Variants in SH3D19 observed in about 807,000 individuals in gnomAD.
The protein encoded by SH3D19 is SH3 domain-containing protein 19.
A neutral mutation model predicts 112.1 loss-of-function variants in SH3D19; 58 were observed. That is an observed-to-expected ratio of 0.52 (90% CI 0.42 to 0.64). The LOEUF is 0.64. SH3D19 is among the 30% of genes least tolerant of loss of function. The pLI, the probability that SH3D19 is intolerant of heterozygous loss-of-function variation, is 0.00. For synonymous variants in SH3D19, 391 were observed against 448.5 expected, an observed-to-expected ratio of 0.87 and a Z score of 1.62; for missense variants, 1,090 against 1,263.4, an observed-to-expected ratio of 0.86 and a Z score of 2.08.
Position 151,132,330 on chromosome 4 carries a change from C to A in SH3D19, c.2742+1G>T, listed in dbSNP as rs767181676. The A allele has an allele frequency of 6.2e-7, 1 of 1,613,904 alleles. No individual in the cohort carries two copies. Among genetic ancestry groups the A allele is most frequent in the South Asian group, 1.1e-5 (1 of 91,058 alleles). ...TATAGTCATCTGTTCAAGCAGCCTA[C>A]CTGAGAGTTTGAGCCAGAATCTTCT... is the stretch of plus-strand genomic sequence containing the variant. On this transcript the variant is annotated splice_donor_variant, in intron 17 of 19. Coordinates refer to ENST00000604030, the MANE Select transcript of SH3D19 (RefSeq NM_001378122.1). LOFTEE classifies it high-confidence loss of function.
chr4:151,323,722 G>C (rs751693199), intron 1 of SH3D19, among the ~76,000 whole-genome samples: 3 of 152,204 alleles, frequency 2.0e-5, no homozygotes, highest in Non-Finnish European at 4.4e-5. Context: ...TCAACCTTGA[G>C]AAATTAGGGA....
At chr4:151,236,205 G>A (rs1000601937) in intron 1 of SH3D19, among the ~76,000 whole-genome samples, 4 of 152,268 alleles carry the variant, frequency 2.6e-5, no homozygotes, top group Non-Finnish European at 4.4e-5. Context: ...GGGGCTGGCC[G>A]AGGCCAGAGC....
intron 1 of SH3D19, among the ~76,000 whole-genome samples, chr4:151,278,308 AC>A (rs1353802459): frequency 6.6e-6 from 1 of 151,888 alleles, no homozygotes; most frequent in Admixed American, 6.6e-5. Flanking sequence ...TCACTCTGTC[AC>A]CCAGGTTAGA....
intron 1 of SH3D19, among the ~76,000 whole-genome samples, chr4:151,273,986 C>T (rs542807055): frequency 3.3e-5 from 5 of 152,166 alleles, no homozygotes; most frequent in African/African-American, 7.2e-5. Flanking sequence ...ATGAAAAATA[C>T]TAAGAGTCAT....
intron 1 of SH3D19, among the ~76,000 whole-genome samples, chr4:151,300,949 AGTT>A (rs1384966547): frequency 6.6e-6 from 1 of 152,230 alleles, no homozygotes; most frequent in Non-Finnish European, 1.5e-5. Context: ...TGAGGGAAGA[AGTT>A]AAGTACTTCA....
rs1489415411 is a variant in SH3D19 at position 151,198,409 on chromosome 4, A to G, written c.153-10946T>C. On this transcript the variant is annotated intron_variant, in intron 2 of 19. Coordinates refer to ENST00000604030, the MANE Select transcript of SH3D19 (RefSeq NM_001378122.1). ...ATATATAATATATATCATATATTAT[A>G]TATTATATAAAATATATATTATATA... 9.7e-5 allele frequency among the ~76,000 whole-genome samples: 14 copies of G among 144,132 alleles called. No individual in the cohort carries two copies. In the East Asian group the frequency reaches 2.0e-3, roughly 20 times the overall value. 94.6% of individuals were successfully genotyped at this position (144,132 alleles called of 152,430 possible). A position where few individuals can be genotyped will look rare whatever the true frequency, so the allele number is the denominator to read the frequency against.
intron 2 of SH3D19, among the ~76,000 whole-genome samples, chr4:151,201,251 A>T (rs1056812342): frequency 6.6e-6 from 1 of 152,230 alleles, no homozygotes; most frequent in Non-Finnish European, 1.5e-5. Context: ...ATGCCATTAC[A>T]GGGCTGAAAA....
chr4:151,242,586 A>G (rs1770648993), intron 1 of SH3D19, among the ~76,000 whole-genome samples: 1 of 152,248 alleles, frequency 6.6e-6, no homozygotes, highest in Admixed American at 6.5e-5. Context: ...GAAAGAAAGT[A>G]AAAGCATCAC....
chr4:151,165,860 A>G (rs1757926180), intron 7 of SH3D19, 164 bp from the exon 8 acceptor site: 1 of 588,896 alleles, frequency 1.7e-6, no homozygotes, highest in African/African-American at 1.9e-5. Context: ...GGAGCTCATA[A>G]AAGGAAATAA....
intron 1 of SH3D19, among the ~76,000 whole-genome samples, chr4:151,276,566 G>A (rs1298292103): frequency 5.9e-5 from 9 of 152,156 alleles, no homozygotes; most frequent in African/African-American, 2.2e-4. Flanking sequence ...TTGTGAGATA[G>A]GCTGTGGCCT....
chr4:151,260,485 A>G (rs567243358), intron 1 of SH3D19, among the ~76,000 whole-genome samples: 70 of 152,354 alleles, frequency 4.6e-4, no homozygotes, highest in African/African-American at 1.6e-3. Context: ...CATGCAATGC[A>G]TATACCATTC....
chr4:151,216,370 A>G (rs188848372), intron 2 of SH3D19, among the ~76,000 whole-genome samples: 229 of 152,358 alleles, frequency 1.5e-3, no homozygotes, highest in Admixed American at 2.3e-3. Flanking sequence ...TTTCCCAAGG[A>G]TATTTATTAG....
intron 2 of SH3D19, among the ~76,000 whole-genome samples, chr4:151,204,338 T>G (rs1764806407): frequency 6.6e-6 from 1 of 152,166 alleles, no homozygotes; most frequent in African/African-American, 2.4e-5. Context: ...AATATTTGGG[T>G]TGGTATTTTA....
chr4:151,131,485 T>C (rs1331986024), intron 17 of SH3D19, among the ~76,000 whole-genome samples: 2 of 145,544 alleles, frequency 1.4e-5, no homozygotes, highest in Admixed American at 6.7e-5. Context: ...AATTCTTTTT[T>C]TCTTTTTTTC....
chr4:151,313,871 T>C (rs1294468357), intron 1 of SH3D19, among the ~76,000 whole-genome samples: 5 of 152,194 alleles, frequency 3.3e-5, no homozygotes, highest in Non-Finnish European at 7.3e-5. Flanking sequence ...ATGGGTGATA[T>C]GCTGGGGGCC....
chr4:151,257,909 A>G (rs545466740), intron 1 of SH3D19, among the ~76,000 whole-genome samples: 9 of 152,270 alleles, frequency 5.9e-5, no homozygotes, highest in African/African-American at 1.9e-4. Flanking sequence ...GAGTCTGTCT[A>G]AAAATAAAAA....
chr4:151,127,833 T>A, intron 18 of SH3D19, 118 bp from the exon 19 acceptor site: 1 of 516,942 alleles, frequency 1.9e-6, no homozygotes, highest in Admixed American at 4.1e-5. Context: ...TCTTCAGAGG[T>A]AGTGATATTA....
intron 2 of SH3D19, among the ~76,000 whole-genome samples, chr4:151,201,071 T>A (rs1308069214): frequency 5.9e-5 from 9 of 152,250 alleles, no homozygotes; most frequent in African/African-American, 2.2e-4. Context: ...ATAATTACTT[T>A]AATAATTTGT....
chr4:151,148,263 ACACACACACACAC>A, intron 10 of SH3D19, 77 bp from the exon 11 acceptor site: 1 of 399,190 alleles, frequency 2.5e-6, no homozygotes, highest in Non-Finnish European at 3.9e-6. Flanking sequence ...TTACACACAC[ACACACACACACAC>A]ACACACACAC....
Sources: allele counts gnomAD v4.1 joint callset (sites outside exome capture counted in the v4.1 genomes callset), GRCh38; gene constraint gnomAD v4.1.1; transcripts MANE v1.5; gene names NCBI Gene and HGNC (gene_info 2026-07-23, HGNC 2026-07-21).